IPO4: variants seen among roughly 807,000 people sequenced by gnomAD.
The protein encoded by IPO4 is importin-4.
In IPO4, 91 loss-of-function variants were observed where a neutral mutation model predicts 133.5. That is an observed-to-expected ratio of 0.68 (90% CI 0.58 to 0.81). The LOEUF (loss-of-function observed/expected upper bound fraction) is 0.81. IPO4 is among the 30% of genes least tolerant of loss of function. IPO4 has a pLI of 0.00. For missense variants in IPO4, 1,279 were observed against 1,386.2 expected (o/e 0.92, Z 1.23); for synonymous variants, 607 against 581.6 (o/e 1.04, Z -0.63).
Position 24,184,912 on chromosome 14 carries a change from T to A in IPO4, c.1477A>T (p.Ser493Cys). 6.2e-7 allele frequency: 1 copy of A among 1,614,120 alleles called. No individual in the cohort carries two copies. Among genetic ancestry groups the A allele is most frequent in the South Asian group, 1.1e-5 (1 of 91,088 alleles). ...ACAGCCAGCTCCTTGGCCCGGGGAC[T>A]GCTGGGGTTCCTCAGAAGCTGCAGC... ...CMLQLLRNPS[S>C]PRAKELAVSA... Residue 493 changes from serine (S) to cysteine (C), a missense_variant, in exon 15 of 30, where the codon AGT becomes TGT. Coordinates refer to ENST00000354464, the MANE Select transcript of IPO4 (RefSeq NM_024658.4).
intron 15 of IPO4, 29 bp downstream of exon 15, chr14:24,184,838 A>T: frequency 6.2e-7 from 1 of 1,608,756 alleles, no homozygotes; most frequent in Non-Finnish European, 8.5e-7. Flanking sequence ...GGTGAACCCC[A>T]CATCCCTGCC....
chr14:24,181,438 C>A (rs1229516038), intron 28 of IPO4, 75 bp downstream of exon 28: 7 of 1,262,826 alleles, frequency 5.5e-6, no homozygotes, highest in South Asian at 2.6e-5. Context: ...AGCTCCCGAG[C>A]CTCATCAGCA....
In IPO4 at chr14:24,182,861, C is replaced by G; in HGVS notation, c.2422-19G>C. 1 of 1,613,380 alleles carries G rather than the reference C, an allele frequency of 6.2e-7. No homozygotes were observed. Among genetic ancestry groups the G allele is most frequent in the Non-Finnish European group, 8.5e-7 (1 of 1,179,942 alleles). On this transcript the variant is annotated intron_variant, in intron 23 of 29. Transcript: ENST00000354464. The stretch of plus-strand genomic sequence containing the variant: ...AGGCTGTCTACAAGAAGTAGCTCAA[C>G]TTAGCGGAGCTTTCACGCCCCTTCT...
In IPO4 at chr14:24,182,007, C is replaced by T; in HGVS notation, c.2755G>A (p.Ala919Thr). Reference sequence around the variant, plus strand: ...GCCAGCACGCCCATCCCGAAGATGGCATTGCTTCGCACCTCGGGGTCTGCC... The same window carrying T: ...GCCAGCACGCCCATCCCGAAGATGGTATTGCTTCGCACCTCGGGGTCTGCC... The part of the protein sequence containing the change: ...QEADPEVRSN[A>T]IFGMGVLAEH... Residue 919 changes from alanine (A) to threonine (T), a missense_variant, in exon 26 of 30, where the codon GCC (alanine) becomes ACC (threonine). Physicochemically the swap from Ala to Thr is moderately conservative, Grantham distance 58. This residue lies in a region of IPO4 where 575 missense variants were observed against 653.4 expected (regional missense o/e 0.88). Transcript: ENST00000354464. The T allele has an allele frequency of 1.2e-6, 2 of 1,613,044 alleles. No individual in the cohort carries two copies. Among genetic ancestry groups the T allele is most frequent in the Non-Finnish European group, 1.7e-6 (2 of 1,180,028 alleles).
Position 24,186,436 on chromosome 14 carries a change from G to T in IPO4, c.856C>A (p.Arg286Ser), listed in dbSNP as rs764589628. 3.1e-6 allele frequency: 5 copies of T among 1,591,940 alleles called. No individual in the cohort carries two copies. Among genetic ancestry groups the T allele is most frequent in the Non-Finnish European group, 4.3e-6 (5 of 1,167,066 alleles). ...KVKSKALLKN[R>S]LLPPLLHTLF... is the part of the protein sequence containing the mutation. ...GTGTGCAGCAAGGGTGGCAGGAGAC[G>T]ATTCTTCAGTAAGGCCTTGACAGAG... The change falls in exon 10 of 30, where the codon CGT (arginine) becomes AGT (serine). Residue 286 changes from arginine to serine, a missense_variant. Transcript: ENST00000354464.
At chr14:24,181,664 C>T in intron 27 of IPO4, 47 bp from the exon 28 acceptor site, 1 of 1,612,988 alleles carries the variant, frequency 6.2e-7, no homozygotes, top group East Asian at 2.2e-5. Context: ...CCTCCACCAC[C>T]CTCCCTCCTC....
rs2039160781 is a variant in IPO4 at position 24,182,795 on chromosome 14, A to T, written c.2469T>A (p.Asp823Glu). The change falls in exon 24 of 30, where the codon GAT becomes GAA. Residue 823 changes from aspartate to glutamate, a missense_variant. Asp to Glu is a conservative substitution (Grantham distance 45). This residue lies in a region of IPO4 where 575 missense variants were observed against 653.4 expected (regional missense o/e 0.88). Coordinates refer to ENST00000354464, the MANE Select transcript of IPO4 (RefSeq NM_024658.4). ...TDEEEEEEDD[D>E]QAEYDAMLLE... ...CGTTTTTATCCCTGGCTCTCACCTG[A>T]TCATCATCTTCCTCTTCCTCCTCCT... 1 of 1,614,018 alleles carries T rather than the reference A, an allele frequency of 6.2e-7. No homozygotes were observed. Among genetic ancestry groups the T allele is most frequent in the Non-Finnish European group, 8.5e-7 (1 of 1,179,952 alleles).
At position 24,184,398 on chromosome 14, in the gene IPO4, G is replaced by C. The variant is rs375504986; in HGVS notation, c.1657C>G (p.Arg553Gly). 6.2e-7 allele frequency: 1 copy of C among 1,609,892 alleles called. No individual in the cohort carries two copies. The highest frequency in any genetic ancestry group is 1.3e-5 in the African/African-American group (1 of 74,994). The change falls in exon 17 of 30, where the codon CGA becomes GGA. Residue 553 changes from arginine to glycine, a missense_variant. Transcript: ENST00000354464. Reference protein sequence around the residue: ...QSLETLGVLARAVGEPMRPLA... With the variant: ...QSLETLGVLAGAVGEPMRPLA... ...GGCCTCATGGGCTCCCCCACTGCTC[G>C]TGCCAGCACCCCCAGTGTCTCTGTG...
chr14:24,187,860 G>A, intron 4 of IPO4, 64 bp from the exon 5 acceptor site: 6 of 1,592,228 alleles, frequency 3.8e-6, no homozygotes, highest in Non-Finnish European at 4.3e-6. Context: ...CAGTGGCCAG[G>A]CTCAATGGGG....
rs576291208 is a variant in IPO4 at position 24,185,701 on chromosome 14, C to T, written c.1170-134G>A. On this transcript the variant is annotated intron_variant, in intron 12 of 29. Transcript: ENST00000354464. ...AGAGGGTGGGCAGCAGCCCCTGGTCCCTATAGCTGGTAAGCCATGTCATTT... is the reference window on the plus strand; with the variant it reads ...AGAGGGTGGGCAGCAGCCCCTGGTCTCTATAGCTGGTAAGCCATGTCATTT... 94 of 950,054 alleles carry T rather than the reference C, an allele frequency of 9.9e-5. No homozygotes were observed. In the East Asian group the frequency reaches 2.3e-3, roughly 24 times the overall value. The allele number at this position is 950,054 out of a possible 1,614,324, so 58.9% of individuals were successfully genotyped here.
chr14:24,182,894 T>G (rs766806825), intron 23 of IPO4, 52 bp from the exon 24 acceptor site: 32 of 1,549,474 alleles, frequency 2.1e-5, no homozygotes, highest in Non-Finnish European at 2.7e-5. Context: ...TCTCTTTTCA[T>G]GGGGGTAGGG....
At position 24,181,938 on chromosome 14, in the gene IPO4, C is replaced by T. The variant is rs1272016099; in HGVS notation, c.2807+17G>A. On this transcript the variant is annotated intron_variant, in intron 26 of 29. Transcript: ENST00000354464. Reference sequence around the variant, plus strand: ...CCCCCAACCTCCAGTCCCTCCCGTCCTGCGAGCCAAGGATACTCCTGGGCA... The same window carrying T: ...CCCCCAACCTCCAGTCCCTCCCGTCTTGCGAGCCAAGGATACTCCTGGGCA... The T allele has an allele frequency of 6.2e-7, 1 of 1,609,774 alleles. No individual in the cohort carries two copies. The highest frequency in any genetic ancestry group is 8.5e-7 in the Non-Finnish European group (1 of 1,179,776).
chr14:24,183,500 G>C lies in IPO4; in HGVS notation c.2077C>G (p.Pro693Ala). 6.2e-7 allele frequency: 1 copy of C among 1,613,942 alleles called. No individual in the cohort carries two copies. The highest frequency in any genetic ancestry group is 8.5e-7 in the Non-Finnish European group (1 of 1,179,932). The change falls in exon 21 of 30, where the codon CCA (proline) becomes GCA (alanine). Residue 693 changes from proline (P) to alanine (A), a missense_variant. Around this residue, in one of 3 missense-constraint regions of IPO4, gnomAD observed 575 missense variants for 653.4 expected, o/e 0.88. Transcript: ENST00000354464. ...TCTTCAAAGACACTTTCCATGTATG[G>C]AAGGAAGGCCACACTACAGAGAGAG... ...ISVNTSVAFL[P>A]YMESVFEEVF...
chr14:24,185,367 A>C, intron 13 of IPO4, 55 bp from the exon 14 acceptor site: 21 of 1,613,330 alleles, frequency 1.3e-5, no homozygotes, highest in East Asian at 2.2e-5. Context: ...GGCACACACA[A>C]GAGTGCTGAT....
Position 24,181,632 on chromosome 14 carries a change from G to A in IPO4, c.2941-15C>T. On this transcript the variant is annotated splice_polypyrimidine_tract_variant and intron_variant, in intron 27 of 29. Coordinates refer to ENST00000354464, the MANE Select transcript of IPO4 (RefSeq NM_024658.4). ...GCAGCCAGCACCTGGGCACACAAAT[G>A]TCTCAGGCCAACCTGCCCTGCCCTC... is the stretch of plus-strand genomic sequence containing the variant. 6.2e-6 allele frequency: 10 copies of A among 1,613,994 alleles called. No individual in the cohort carries two copies. The highest frequency in any genetic ancestry group is 1.1e-5 in the South Asian group (1 of 91,082).
chr14:24,185,587 G>C lies in IPO4; in HGVS notation c.1170-20C>G, dbSNP rs763906497. 2 of 1,599,038 alleles carry C rather than the reference G, an allele frequency of 1.3e-6. No homozygotes were observed. Among genetic ancestry groups the C allele is most frequent in the South Asian group, 2.2e-5 (2 of 90,792 alleles). On this transcript the variant is annotated intron_variant, in intron 12 of 29. Transcript: ENST00000354464. ...AGCAGTCTGGATGGGGCAAACAAGA[G>C]GACATAGGCTGAGAAGCTACACCTG...
Position 24,184,287 on chromosome 14 carries a change from G to T in IPO4, c.1757+11C>A. The T allele has an allele frequency of 6.3e-7, 1 of 1,579,410 alleles. No homozygotes were observed. Among genetic ancestry groups the T allele is most frequent in the East Asian group, 2.3e-5 (1 of 43,026 alleles). ...GGGACAAGGGCAGAGGCAGGGTGAGGGGTCACTCACGTGCAGCGCCGCAAG... is the reference window on the plus strand; with the variant it reads ...GGGACAAGGGCAGAGGCAGGGTGAGTGGTCACTCACGTGCAGCGCCGCAAG... On this transcript the variant is annotated intron_variant, in intron 17 of 29. Transcript: ENST00000354464.
intron 12 of IPO4, 79 bp downstream of exon 12, chr14:24,185,782 C>G: frequency 8.5e-7 from 1 of 1,175,276 alleles, no homozygotes; most frequent in Non-Finnish European, 1.3e-6. Flanking sequence ...GATAAATAAG[C>G]TTGAACAACA....
chr14:24,183,646 GA>G lies in IPO4; in HGVS notation c.2006del (p.Phe669SerfsTer17). ...CACAGGTGTCTTCCTTCTCATCGAA[GA>G]AGGCATTCTCCACGCTGTACCTAGA... is the stretch of plus-strand genomic sequence containing the variant. The part of the protein sequence containing the change: ...EISGYSVENA[F>X]FDEKEDTCAA... On this transcript the variant is annotated frameshift_variant, in exon 20 of 30. Coordinates refer to ENST00000354464, the MANE Select transcript of IPO4 (RefSeq NM_024658.4). LOFTEE classifies it high-confidence loss of function. 1.2e-6 allele frequency: 2 copies of G among 1,614,150 alleles called. No homozygotes were observed. Among genetic ancestry groups the G allele is most frequent in the Non-Finnish European group, 1.7e-6 (2 of 1,180,038 alleles).
Sources: allele counts gnomAD v4.1 joint callset, GRCh38; gene constraint gnomAD v4.1.1; regional missense constraint gnomAD v4.1.1; transcripts MANE v1.5; gene names NCBI Gene and HGNC (gene_info 2026-07-23, HGNC 2026-07-21).